The following RIMS3 variants were observed in gnomAD, a reference collection of about 807,000 sequenced individuals.
RIMS3 encodes the protein regulating synaptic membrane exocytosis protein 3.
Under a neutral mutation model 29.2 loss-of-function variants are expected in RIMS3, and 15 were observed. That is an observed-to-expected ratio of 0.51 (90% CI 0.34 to 0.79). The LOEUF (loss-of-function observed/expected upper bound fraction) is 0.79, where lower values mean the gene tolerates loss of function less well. RIMS3 is among the 30% of genes least tolerant of loss of function. RIMS3 has a pLI of 0.01. For missense variants in RIMS3, 342 were observed against 421.4 expected (o/e 0.81, Z 1.65); for synonymous variants, 161 against 170.1 (o/e 0.95, Z 0.41).
In RIMS3 at chr1:40,626,385, A is replaced by C; in HGVS notation, c.*132T>G. The C allele has an allele frequency of 1.2e-6, 1 of 832,234 alleles. No individual in the cohort carries two copies. The highest frequency in any genetic ancestry group is 2.0e-6 in the Non-Finnish European group (1 of 505,594). The allele number at this position is 832,234 out of a possible 1,614,324, so 51.6% of individuals were successfully genotyped here. ...ACTACAGTCTCCACTGCCAGCTGGG[A>C]TGAGCCCAGTAGCCAACAGGCATGC... On this transcript the variant is annotated 3_prime_UTR_variant, in exon 8 of 8. Coordinates refer to ENST00000372684, the MANE Select transcript of RIMS3 (RefSeq NM_014747.3).
chr1:40,662,306 C>T (rs1642364255), intron 1 of RIMS3, among the ~76,000 whole-genome samples: 1 of 152,184 alleles, frequency 6.6e-6, no homozygotes, highest in African/African-American at 2.4e-5. Flanking sequence ...CCCTTCTTCG[C>T]CTCTACAATT....
rs1413860390 is a variant in RIMS3, at chr1:40,635,053, G to C, written c.359+863C>G. ...AGATGCCCAGGCATGCTCTGCACCT[G>C]GGAAGATGTAATAAATGCTTGAGAG... On this transcript the variant is annotated intron_variant, in intron 4 of 7. Coordinates refer to ENST00000372684, the MANE Select transcript of RIMS3 (RefSeq NM_014747.3). The surrounding 1 kb of genome is among the most constrained non-coding windows in gnomAD (Gnocchi z 4.1). Among the ~76,000 whole-genome samples, 1 of 152,140 alleles carries C rather than the reference G, an allele frequency of 6.6e-6. No homozygotes were observed. The highest frequency in any genetic ancestry group is 1.5e-5 in the Non-Finnish European group (1 of 68,022).
rs1646512778 is a variant in RIMS3, at chr1:40,635,331, G to A, written c.359+585C>T. Among the ~76,000 whole-genome samples, 5 of 152,224 alleles carry A rather than the reference G, an allele frequency of 3.3e-5. No individual in the cohort carries two copies. Among genetic ancestry groups the A allele is most frequent in the Admixed American group, 3.3e-4 (5 of 15,292 alleles). Reference sequence around the variant, plus strand: ...ACATCATGACCCAGGACAGACCTGTGTGCATCTATACATAAAAAATGGAAA... The same window carrying A: ...ACATCATGACCCAGGACAGACCTGTATGCATCTATACATAAAAAATGGAAA... On this transcript the variant is annotated intron_variant, in intron 4 of 7. Coordinates refer to ENST00000372684, the MANE Select transcript of RIMS3 (RefSeq NM_014747.3). This position sits in a 1 kb window ranked among gnomAD's most constrained non-coding sequence, Gnocchi z 4.1.
Position 40,626,243 on chromosome 1 carries a change from A to G in RIMS3, c.*274T>C. 1 of 514,702 alleles carries G rather than the reference A, an allele frequency of 1.9e-6. No individual in the cohort carries two copies. Among genetic ancestry groups the G allele is most frequent in the Non-Finnish European group, 3.6e-6 (1 of 281,650 alleles). 31.9% of individuals were successfully genotyped at this position (514,702 alleles called of 1,614,324 possible). ...TTGGGTTTCTTTTCAACAAGACACA[A>G]AGAGACGTGGAGACATTTCAGCCCA... On this transcript the variant is annotated 3_prime_UTR_variant, in exon 8 of 8. Transcript: ENST00000372684.
intron 4 of RIMS3, 61 bp from the exon 5 acceptor site, chr1:40,633,242 G>C (rs1646500925): frequency 1.5e-6 from 2 of 1,343,504 alleles, no homozygotes; most frequent in East Asian, 2.3e-5. Context: ...TGAAAGTATA[G>C]CTGGCAGGCT....
At chr1:40,679,748 G>T in the RIMS3 span, among the ~76,000 whole-genome samples, 4 of 152,164 alleles carry the variant, frequency 2.6e-5, no homozygotes, top group Non-Finnish European at 4.4e-5. Flanking sequence ...CAGGATTTTT[G>T]CTGGGAAGGC....
upstream of RIMS3, among the ~76,000 whole-genome samples, chr1:40,670,574 T>TTATATATATACATA (rs1642480189): frequency 1.4e-5 from 1 of 71,210 alleles, no homozygotes. Flanking sequence ...AGTTATAATT[T>TTATATATATACATA]TATATATATA....
upstream of RIMS3, chr1:40,669,489 G>T (rs1052984123): frequency 6.6e-6 from 1 of 152,236 alleles, no homozygotes; most frequent in Non-Finnish European, 1.5e-5. Context: ...CATCAGAGGT[G>T]ACAGCAGAGG....
chr1:40,686,408 T>C, the RIMS3 span, among the ~76,000 whole-genome samples: 1 of 152,038 alleles, frequency 6.6e-6, no homozygotes, highest in Admixed American at 6.5e-5. Flanking sequence ...ATCCCAGCAC[T>C]TTGGGAGGCT....
Position 40,626,609 on chromosome 1 carries a change from T to C in RIMS3, c.835A>G (p.Thr279Ala). 5.6e-6 allele frequency: 9 copies of C among 1,613,538 alleles called. No individual in the cohort carries two copies. Among genetic ancestry groups the C allele is most frequent in the Non-Finnish European group, 7.6e-6 (9 of 1,179,880 alleles). Residue 279 changes from threonine (T) to alanine (A), a missense_variant, in exon 8 of 8, where the codon ACC (threonine) becomes GCC (alanine). Coordinates refer to ENST00000372684, the MANE Select transcript of RIMS3 (RefSeq NM_014747.3). The part of the protein sequence containing the change: ...AVTGWYKLFP[T>A]SSVADSTLGS... The stretch of plus-strand genomic sequence containing the variant: ...AGTGTGGAGTCTGCCACTGAGGAGG[T>C]GGGGAAGAGTTTGTACCAGCCGGTG...
chr1:40,666,272 G>T (rs1642424525), upstream of RIMS3, among the ~76,000 whole-genome samples: 1 of 152,150 alleles, frequency 6.6e-6, no homozygotes, highest in South Asian at 2.1e-4. Context: ...TTAAACTTGG[G>T]GCGATTTTGC....
chr1:40,685,471 G>C, the RIMS3 span, among the ~76,000 whole-genome samples: 1 of 151,484 alleles, frequency 6.6e-6, no homozygotes, highest in Non-Finnish European at 1.5e-5. Flanking sequence ...CTGAGTGAAG[G>C]ACAGAGGGAA....
At chr1:40,631,765 G>A (rs1646490700) in intron 5 of RIMS3, among the ~76,000 whole-genome samples, 1 of 151,934 alleles carries the variant, frequency 6.6e-6, no homozygotes, top group Non-Finnish European at 1.5e-5. Context: ...GAGGTCAGGA[G>A]TTCCAGACTA....
At chr1:40,666,640 T>G (rs1423392058), upstream of RIMS3, among the ~76,000 whole-genome samples, 2 of 152,194 alleles carry the variant, frequency 1.3e-5, no homozygotes, top group Non-Finnish European at 1.5e-5. Context: ...GCTCCAGTGT[T>G]TTGAATTCCA....
At chr1:40,650,596 T>C (rs1646625570) in intron 1 of RIMS3, among the ~76,000 whole-genome samples, 1 of 151,970 alleles carries the variant, frequency 6.6e-6, no homozygotes, top group Non-Finnish European at 1.5e-5. Flanking sequence ...GGCGTGGGGC[T>C]CATGCTTGTA....
chr1:40,667,425 G>A (rs72943330), upstream of RIMS3, among the ~76,000 whole-genome samples: 512 of 152,254 alleles, frequency 3.4e-3, 7 homozygotes, highest in African/African-American at 0.012. Context: ...AGAGGAATCA[G>A]GCTTCCTGTG....
At position 40,623,497 on chromosome 1, in the gene RIMS3, T is replaced by C. The variant is rs954932834; in HGVS notation, c.*3020A>G. 4.5e-5 allele frequency: 18 copies of C among 398,544 alleles called. No individual in the cohort carries two copies. The highest frequency in any genetic ancestry group is 7.1e-5 in the East Asian group (2 of 28,094). 24.7% of individuals were successfully genotyped at this position (398,544 alleles called of 1,614,324 possible). On this transcript the variant is annotated 3_prime_UTR_variant, in exon 8 of 8. Coordinates refer to ENST00000372684, the MANE Select transcript of RIMS3 (RefSeq NM_014747.3). ...ACTCCTGTCTCTGCCATATGCACAG[T>C]GAACCTCGCCTGACCAGAGGAGGTG...
At chr1:40,651,910 G>C (rs1646634071) in intron 1 of RIMS3, among the ~76,000 whole-genome samples, 1 of 152,188 alleles carries the variant, frequency 6.6e-6, no homozygotes, top group Non-Finnish European at 1.5e-5. Flanking sequence ...TTCCACCAAT[G>C]TGTGTTTTGT....
chr1:40,658,621 G>T (rs1309374894), intron 1 of RIMS3, among the ~76,000 whole-genome samples: 1 of 152,204 alleles, frequency 6.6e-6, no homozygotes, highest in African/African-American at 2.4e-5. Context: ...TTTGGGATTG[G>T]ATCTGCCAAG....
Sources: allele counts gnomAD v4.1 joint callset (sites outside exome capture counted in the v4.1 genomes callset), GRCh38; gene constraint gnomAD v4.1.1; non-coding constraint Gnocchi (gnomAD v3.1); transcripts MANE v1.5; gene names NCBI Gene and HGNC (gene_info 2026-07-23, HGNC 2026-07-21).